Variants in COL4A3 observed in about 807,000 individuals in gnomAD.
The protein encoded by COL4A3 is collagen alpha-3(IV) chain.
Under a neutral mutation model 217.4 loss-of-function variants are expected in COL4A3, and 135 were observed. The observed-to-expected ratio is 0.62, with a 90% CI of 0.54 to 0.72. The LOEUF is 0.72. Among genes scored for constraint, COL4A3 ranks in the 30% least tolerant of loss-of-function variants. The probability of loss-of-function intolerance (pLI) is 0.00; values close to 1 mark genes in which losing one functional copy is unlikely to be tolerated. For missense variants in COL4A3, 1,868 were observed against 2,119.9 expected (o/e 0.88, Z 2.33); for synonymous variants, 690 against 736.3 (o/e 0.94, Z 1.02).
chr2:227,269,700 A>C (rs1354005916), intron 23 of COL4A3, among the ~76,000 whole-genome samples: 1 of 152,188 alleles, frequency 6.6e-6, no homozygotes, highest in Admixed American at 6.5e-5. Context: ...ATGAAGATAA[A>C]ATTTTAAGAA....
intron 35 of COL4A3, among the ~76,000 whole-genome samples, chr2:227,289,674 C>T (rs2072558991): frequency 6.6e-6 from 1 of 152,146 alleles, no homozygotes; most frequent in Admixed American, 6.5e-5. Context: ...AAATATATGA[C>T]ATGGCAATAA....
chr2:227,289,745 G>A (rs969666752), intron 35 of COL4A3, among the ~76,000 whole-genome samples: 13 of 151,980 alleles, frequency 8.6e-5, no homozygotes, highest in Non-Finnish European at 1.8e-4. Context: ...CTTTTTTCCC[G>A]CTGGTGTTGG....
At chr2:227,195,651 CCA>C (rs200247263) in intron 1 of COL4A3, among the ~76,000 whole-genome samples, 1,669 of 140,052 alleles carry the variant, frequency 0.012, 18 homozygotes, top group Middle Eastern at 0.028. Context: ...AGAGTCTATG[CCA>C]CATATATATA....
At chr2:227,225,999 AC>A (rs1357779729) in intron 1 of COL4A3, among the ~76,000 whole-genome samples, 2 of 152,124 alleles carry the variant, frequency 1.3e-5, no homozygotes, top group Admixed American at 6.5e-5. Context: ...GTCGTGAGCC[AC>A]CATGCCCAGC....
At chr2:227,181,685 T>A (rs989580529) in intron 1 of COL4A3, among the ~76,000 whole-genome samples, 1 of 152,208 alleles carries the variant, frequency 6.6e-6, no homozygotes, top group African/African-American at 2.4e-5. Context: ...TATATTGTAT[T>A]TTCTCACATC....
At position 227,164,743 on chromosome 2, in the gene COL4A3, C is replaced by T. The variant is rs1317800639; in HGVS notation, c.17C>T (p.Ala6Val). 3.3e-6 allele frequency: 5 copies of T among 1,528,146 alleles called. No homozygotes were observed. The highest frequency in any genetic ancestry group is 4.4e-6 in the Non-Finnish European group (5 of 1,144,350). 94.7% of individuals were successfully genotyped at this position (1,528,146 alleles called of 1,614,324 possible). The change falls in exon 1 of 52, where the codon GCC becomes GTC. Residue 6 changes from alanine to valine, a missense_variant. Ala to Val is a moderately conservative substitution (Grantham distance 64). Around this residue, in one of 2 missense-constraint regions of COL4A3, gnomAD observed 365 missense variants for 333.8 expected, o/e 1.09. Coordinates refer to ENST00000396578, the MANE Select transcript of COL4A3 (RefSeq NM_000091.5). This position sits in a 1 kb window ranked among gnomAD's most constrained non-coding sequence, Gnocchi z 4.8. MSART[A>V]PRPQVLLLPL... ...GCGCCCACCATGAGCGCCCGGACCG[C>T]CCCCAGGCCGCAGGTGCTCCTGCTG...
chr2:227,298,879 T>C lies in COL4A3; in HGVS notation c.3882+67T>C, dbSNP rs867132642. 16 of 1,383,940 alleles carry C rather than the reference T, an allele frequency of 1.2e-5. No homozygotes were observed. In the African/African-American group the frequency reaches 1.6e-4, roughly 14 times the overall value. 85.7% of individuals were successfully genotyped at this position (1,383,940 alleles called of 1,614,324 possible). A position where few individuals can be genotyped will look rare whatever the true frequency, so the allele number is the denominator to read the frequency against. Reference sequence around the variant, plus strand: ...TCAACTTATAATTATTCTTATATTGTATATTATATCATATATTGTTGATGT... The same window carrying C: ...TCAACTTATAATTATTCTTATATTGCATATTATATCATATATTGTTGATGT... On this transcript the variant is annotated intron_variant, in intron 43 of 51. Transcript: ENST00000396578.
At chr2:227,248,650 G>C in intron 9 of COL4A3, 130 bp downstream of exon 9, 3 of 655,944 alleles carry the variant, frequency 4.6e-6, no homozygotes, top group Admixed American at 2.7e-5. Flanking sequence ...ATTTTAAATA[G>C]AAATTCCTAT....
intron 34 of COL4A3, among the ~76,000 whole-genome samples, chr2:227,284,826 T>C (rs192597843): frequency 2.0e-5 from 3 of 152,342 alleles, no homozygotes; most frequent in Admixed American, 1.3e-4. Flanking sequence ...TAAAAAGAAA[T>C]GCTTCAATGA....
intron 44 of COL4A3, 78 bp from the exon 45 acceptor site, chr2:227,303,781 A>T: frequency 7.4e-7 from 1 of 1,352,244 alleles, no homozygotes; most frequent in Non-Finnish European, 1.1e-6. Context: ...ATTTGTCCTT[A>T]GAGTCAATCA....
chr2:227,253,445 T>G lies in COL4A3; in HGVS notation c.687+108T>G. On this transcript the variant is annotated intron_variant, in intron 12 of 51. Transcript: ENST00000396578. This position sits in a 1 kb window ranked among gnomAD's most constrained non-coding sequence, Gnocchi z 4.4. ...CAAGCTGAAATTGATGGGCCTTCAT[T>G]TGTTCTATCTTCCCGTATAAGCACT... is the stretch of plus-strand genomic sequence containing the variant. 7.0e-7 allele frequency: 1 copy of G among 1,421,340 alleles called. No individual in the cohort carries two copies. The highest frequency in any genetic ancestry group is 1.0e-6 in the Non-Finnish European group (1 of 1,004,276). The allele number at this position is 1,421,340 out of a possible 1,614,324, so 88.0% of individuals were successfully genotyped here.
At chr2:227,279,341 T>G (rs1200705429) in intron 28 of COL4A3, 1 of 153,232 alleles carries the variant, frequency 6.5e-6, no homozygotes, top group Non-Finnish European at 1.5e-5. Flanking sequence ...GGTCTCGAAC[T>G]CCCAGTCTCA....
At position 227,314,064 on chromosome 2, in the gene COL4A3, A is replaced by C. The variant is rs7567291; in HGVS notation, c.*2194A>C. ...AGCAACAACTCCGCAGGCAGTTACC[A>C]AGTACGGCTGGCTACAACTGCTCCA... is the stretch of plus-strand genomic sequence containing the variant. On this transcript the variant is annotated 3_prime_UTR_variant, in exon 52 of 52. Coordinates refer to ENST00000396578, the MANE Select transcript of COL4A3 (RefSeq NM_000091.5). 152,813 of 152,816 alleles carry C rather than the reference A, an allele frequency of 1. 76,405 individuals carry two copies. The highest frequency in any genetic ancestry group is 1 in the Non-Finnish European group (68,060 of 68,060). 9.5% of individuals were successfully genotyped at this position (152,816 alleles called of 1,614,324 possible). A position where few individuals can be genotyped will look rare whatever the true frequency, so the allele number is the denominator to read the frequency against.
intron 1 of COL4A3, among the ~76,000 whole-genome samples, chr2:227,226,271 G>T (rs1015953933): frequency 6.6e-6 from 1 of 152,142 alleles, no homozygotes; most frequent in African/African-American, 2.4e-5. Context: ...TAGAGGATCT[G>T]CTGGGTTCTT....
At chr2:227,302,677 CAAA>C (rs56065709) in intron 43 of COL4A3, among the ~76,000 whole-genome samples, 1,827 of 79,530 alleles carry the variant, frequency 0.023, 33 homozygotes, top group African/African-American at 0.094. Flanking sequence ...ACTCTTTCTC[CAAA>C]AAAAAAAAAA....
At chr2:227,203,976 A>T (rs1291625494) in intron 1 of COL4A3, among the ~76,000 whole-genome samples, 1 of 152,098 alleles carries the variant, frequency 6.6e-6, no homozygotes, top group African/African-American at 2.4e-5. Flanking sequence ...GGCTTAATAA[A>T]TATTCATTGA....
chr2:227,225,517 G>T (rs1283276547), intron 1 of COL4A3, among the ~76,000 whole-genome samples: 1 of 152,170 alleles, frequency 6.6e-6, no homozygotes, highest in Non-Finnish European at 1.5e-5. Context: ...TGCAGCAGCA[G>T]GTGACAAAGC....
intron 1 of COL4A3, among the ~76,000 whole-genome samples, chr2:227,195,667 A>ATATATGTGTGTG (rs1226857286): frequency 1.4e-5 from 2 of 139,892 alleles, no homozygotes; most frequent in African/African-American, 5.4e-5. Flanking sequence ...ATATATATAT[A>ATATATGTGTGTG]TGTGTGTGTG....
intron 50 of COL4A3, 61 bp from the exon 51 acceptor site, chr2:227,310,715 G>C (rs1390810624): frequency 7.0e-7 from 1 of 1,423,094 alleles, no homozygotes; most frequent in Non-Finnish European, 9.9e-7. Context: ...AAAAAGTAGA[G>C]AATTGAAAAT....
Sources: gnomAD v4.1 joint callset for allele counts (sites outside exome capture counted in the v4.1 genomes callset) on GRCh38, gnomAD v4.1.1 for gene constraint, gnomAD v4.1.1 regional missense constraint, Gnocchi (gnomAD v3.1) non-coding constraint, MANE v1.5 for transcripts, NCBI Gene and HGNC (gene_info 2026-07-23, HGNC 2026-07-21) for gene names.